Variants in ATAD2B observed in about 807,000 individuals in gnomAD.
The protein encoded by ATAD2B is ATPase family AAA domain-containing protein 2B.
A neutral mutation model predicts 167.6 loss-of-function variants in ATAD2B; 40 were observed. The observed-to-expected ratio is 0.24, with a 90% CI of 0.19 to 0.31. The LOEUF is 0.31. ATAD2B is among the 10% of genes least tolerant of loss of function. The pLI, the probability that ATAD2B is intolerant of heterozygous loss-of-function variation, is 1.00. For missense variants in ATAD2B, 1,242 were observed against 1,757.2 expected, an observed-to-expected ratio of 0.71 and a Z score of 5.24; for synonymous variants, 579 against 596.5, an observed-to-expected ratio of 0.97 and a Z score of 0.43.
In ATAD2B at chr2:23,885,889, C is replaced by T. The variant is rs148755763; in HGVS notation, c.573-60G>A. The T allele has an allele frequency of 9.2e-4, 919 of 998,752 alleles. 17 individuals are homozygous for T. In the East Asian group the frequency reaches 0.019, roughly 21 times the overall value. The allele number at this position is 998,752 out of a possible 1,614,324, so 61.9% of individuals were successfully genotyped here. A position where few individuals can be genotyped will look rare whatever the true frequency, so the allele number is the denominator to read the frequency against. ...TGGTGGCACCATATACATAAAAGAG[C>T]TCTTTGTGAAAGTGTAATCAAATCA... On this transcript the variant is annotated intron_variant, in intron 4 of 27. Transcript: ENST00000238789.
At chr2:23,847,822 T>TAA (rs563477963) in intron 13 of ATAD2B, among the ~76,000 whole-genome samples, 2 of 137,426 alleles carry the variant, frequency 1.5e-5, no homozygotes, top group Non-Finnish European at 3.2e-5. Context: ...CCATCTCTAC[T>TAA]AAAAAAAAAA....
chr2:23,863,770 T>C (rs1434909962), intron 11 of ATAD2B, among the ~76,000 whole-genome samples: 1 of 152,184 alleles, frequency 6.6e-6, no homozygotes, highest in Non-Finnish European at 1.5e-5. Flanking sequence ...ACAGAGTAAT[T>C]TGGCAAGATA....
At chr2:23,743,559 A>G in the ATAD2B span, among the ~76,000 whole-genome samples, 1 of 141,972 alleles carries the variant, frequency 7.0e-6, no homozygotes, top group African/African-American at 2.6e-5. Context: ...CGAAAATCCG[A>G]CTCAAAAAAA....
intron 3 of ATAD2B, 118 bp downstream of exon 3, chr2:23,888,232 G>T: frequency 1.3e-6 from 1 of 766,856 alleles, no homozygotes; most frequent in Non-Finnish European, 2.1e-6. Context: ...CTGAAATTCA[G>T]CCATTTCCAA....
chr2:23,838,829 G>T (rs775817042), intron 13 of ATAD2B, among the ~76,000 whole-genome samples: 1 of 152,018 alleles, frequency 6.6e-6, no homozygotes, highest in East Asian at 1.9e-4. Context: ...TCATCTATTT[G>T]TCTAGTCTTC....
At chr2:23,725,145 G>C in the ATAD2B span, among the ~76,000 whole-genome samples, 1 of 150,914 alleles carries the variant, frequency 6.6e-6, no homozygotes, top group Non-Finnish European at 1.5e-5. Context: ...ATGGAGGCTA[G>C]AAGGCCATGA....
At chr2:23,808,069 A>ATATATAAGTAATTATATATATAAT (rs1553398234) in intron 18 of ATAD2B, among the ~76,000 whole-genome samples, 4 of 40,650 alleles carry the variant, frequency 9.8e-5, no homozygotes, top group African/African-American at 3.9e-4. Flanking sequence ...ATAAATTATA[A>ATATATAAGTAATTATATATATAAT]TATATAAGTA....
the ATAD2B span, among the ~76,000 whole-genome samples, chr2:23,699,538 A>ACCG: frequency 2.0e-5 from 3 of 151,928 alleles, no homozygotes; most frequent in South Asian, 4.2e-4. Context: ...AGGCTGCTGA[A>ACCG]CCCCAAGTCT....
the ATAD2B span, among the ~76,000 whole-genome samples, chr2:23,705,420 AG>A: frequency 6.6e-6 from 1 of 151,992 alleles, no homozygotes. Context: ...TGAACCTGGG[AG>A]GCGGAGGTTG....
chr2:23,795,514 T>G (rs574319535), intron 19 of ATAD2B, among the ~76,000 whole-genome samples: 2 of 152,316 alleles, frequency 1.3e-5, no homozygotes, highest in East Asian at 3.9e-4. Context: ...CTCTCTGTGC[T>G]ACTCATTCAT....
chr2:23,897,509 T>C (rs1403281518), intron 1 of ATAD2B, among the ~76,000 whole-genome samples: 2 of 152,224 alleles, frequency 1.3e-5, no homozygotes, highest in Non-Finnish European at 2.9e-5. Flanking sequence ...TCATTCCTTC[T>C]ACATTTGTAG....
chr2:23,701,738 C>T, the ATAD2B span, among the ~76,000 whole-genome samples: 1 of 151,692 alleles, frequency 6.6e-6, no homozygotes, highest in Non-Finnish European at 1.5e-5. Context: ...CCTTCACCCA[C>T]TGCACTCTAG....
At chr2:23,841,517 T>C (rs917942260) in intron 13 of ATAD2B, among the ~76,000 whole-genome samples, 2 of 151,992 alleles carry the variant, frequency 1.3e-5, no homozygotes, top group South Asian at 4.1e-4. Context: ...TCAGAATTTT[T>C]TTCTTTTCTT....
chr2:23,695,993 T>G, the ATAD2B span: 4 of 1,551,504 alleles, frequency 2.6e-6, no homozygotes, highest in Non-Finnish European at 8.7e-7. This position sits in a 1 kb window ranked among gnomAD's most constrained non-coding sequence, Gnocchi z 7.6. Context: ...CGTCAGATGG[T>G]GGGGATGACC....
At chr2:23,895,685 TAA>T (rs1452915675) in intron 2 of ATAD2B, 132 bp downstream of exon 2, 2 of 543,902 alleles carry the variant, frequency 3.7e-6, no homozygotes, top group Non-Finnish European at 5.8e-6. Context: ...AATTATAAAA[TAA>T]GTTTAATACA....
chr2:23,834,206 G>GGCT, intron 13 of ATAD2B, 128 bp from the exon 14 acceptor site: 1 of 566,022 alleles, frequency 1.8e-6, no homozygotes, highest in Non-Finnish European at 2.6e-6. Context: ...CCGTTGCCCA[G>GGCT]GCTGGAGGGC....
chr2:23,902,254 CT>C (rs928350879), intron 1 of ATAD2B, among the ~76,000 whole-genome samples: 5 of 152,186 alleles, frequency 3.3e-5, no homozygotes, highest in Middle Eastern at 3.4e-3. Flanking sequence ...GGTATATTTA[CT>C]TTTTTTGTCA....
the ATAD2B span, chr2:23,691,596 A>T: frequency 8.1e-7 from 1 of 1,231,592 alleles, no homozygotes; most frequent in South Asian, 1.3e-5. Context: ...CAAGGTGTGC[A>T]GGGAGATCTA....
intron 18 of ATAD2B, among the ~76,000 whole-genome samples, chr2:23,801,526 G>T (rs1431981069): frequency 2.0e-5 from 3 of 151,806 alleles, no homozygotes; most frequent in Admixed American, 2.0e-4. Context: ...AAGACAGTAG[G>T]CCAAATTACT....
Sources: gnomAD v4.1 joint callset for allele counts (sites outside exome capture counted in the v4.1 genomes callset) on GRCh38, gnomAD v4.1.1 for gene constraint, Gnocchi (gnomAD v3.1) non-coding constraint, MANE v1.5 for transcripts, NCBI Gene and HGNC (gene_info 2026-07-23, HGNC 2026-07-21) for gene names.